The following ZFHX3 variants were observed in gnomAD, a reference collection of about 807,000 sequenced individuals.
ZFHX3 encodes the protein zinc finger homeobox 3, also known as zinc finger homeobox protein 3.
In ZFHX3, 42 loss-of-function variants were observed where a neutral mutation model predicts 279.1. That is an observed-to-expected ratio of 0.15 (90% CI 0.12 to 0.19). ZFHX3 has a LOEUF of 0.19. Ranked by LOEUF, ZFHX3 falls within the 10% of genes least tolerant of loss-of-function variation. The pLI is 1.00. For missense variants in ZFHX3, 4,981 were observed against 4,754.0 expected (o/e 1.05, Z -1.40); for synonymous variants, 2,293 against 1,957.8 (o/e 1.17, Z -4.52).
At chr16:73,533,171 G>C (rs367595656) in intron 2 of ZFHX3, among the ~76,000 whole-genome samples, 1 of 151,620 alleles carries the variant, frequency 6.6e-6, no homozygotes, top group Non-Finnish European at 1.5e-5. Context: ...ACATTTTCTC[G>C]TTTCATCTCA....
At chr16:72,846,458 T>C (rs887044067) in intron 4 of ZFHX3, among the ~76,000 whole-genome samples, 3 of 20,962 alleles carry the variant, frequency 1.4e-4, no homozygotes, top group Non-Finnish European at 2.5e-4. Flanking sequence ...TAGGCCTTGC[T>C]ACCCACTGCA....
At chr16:73,221,351 T>C (rs1438458825) in intron 5 of ZFHX3, among the ~76,000 whole-genome samples, 1 of 152,180 alleles carries the variant, frequency 6.6e-6, no homozygotes, top group African/African-American at 2.4e-5. Context: ...TCTTCAAATA[T>C]AAAGATATAT....
intron 5 of ZFHX3, among the ~76,000 whole-genome samples, chr16:73,242,159 G>C (rs966520416): frequency 2.6e-5 from 4 of 152,270 alleles, no homozygotes; most frequent in African/African-American, 9.6e-5. Context: ...CCTGCTCTGG[G>C]TCAACTTCCT....
intron 4 of ZFHX3, among the ~76,000 whole-genome samples, chr16:73,288,574 A>G (rs191687584): frequency 3.3e-5 from 5 of 151,896 alleles, no homozygotes; most frequent in African/African-American, 1.2e-4. Context: ...CAACTTAGCA[A>G]CTCCCCACGC....
chr16:73,087,831 T>TC (rs1415603748), intron 8 of ZFHX3, among the ~76,000 whole-genome samples: 78 of 137,822 alleles, frequency 5.7e-4, no homozygotes, highest in Middle Eastern at 8.1e-3. Context: ...TTTCTCTCTC[T>TC]TTTTTTTTTT....
intron 8 of ZFHX3, among the ~76,000 whole-genome samples, chr16:73,083,021 TAAAAAAAAAA>T (rs71156139): frequency 1.7e-4 from 23 of 132,002 alleles, no homozygotes; most frequent in Admixed American, 1.5e-4. Context: ...CCATCTCTAC[TAAAAAAAAAA>T]AAAAAAAAAA....
intron 3 of ZFHX3, among the ~76,000 whole-genome samples, chr16:73,341,209 C>T (rs965904156): frequency 2.6e-5 from 4 of 152,018 alleles, no homozygotes; most frequent in Non-Finnish European, 5.9e-5. Flanking sequence ...GGTGTGATGG[C>T]AGGCACCTGT....
At chr16:73,415,824 A>G (rs2143474217) in intron 3 of ZFHX3, among the ~76,000 whole-genome samples, 1 of 152,312 alleles carries the variant, frequency 6.6e-6, no homozygotes, top group East Asian at 1.9e-4. Context: ...TGGCATTTTC[A>G]GAAGAGAAAA....
chr16:73,591,710 A>AG (rs1365471984), intron 2 of ZFHX3, among the ~76,000 whole-genome samples: 1 of 149,578 alleles, frequency 6.7e-6, no homozygotes, highest in Non-Finnish European at 1.5e-5. Context: ...AAAAAAAAAA[A>AG]AAAAAAAAGA....
At chr16:72,952,711 T>C (rs1281364974) in intron 2 of ZFHX3, among the ~76,000 whole-genome samples, 1 of 152,204 alleles carries the variant, frequency 6.6e-6, no homozygotes, top group East Asian at 1.9e-4. Context: ...CCCTGGTCTT[T>C]TTCAGTCCAT....
chr16:72,851,679 C>T (rs1418823896), intron 4 of ZFHX3, among the ~76,000 whole-genome samples: 2 of 152,098 alleles, frequency 1.3e-5, no homozygotes, highest in South Asian at 4.2e-4. Context: ...CTCAGCCTCC[C>T]GAGTAGCTGG....
chr16:72,803,925 C>T (rs4788659), intron 7 of ZFHX3, among the ~76,000 whole-genome samples: 2,217 of 152,330 alleles, frequency 0.015, 26 homozygotes, highest in South Asian at 0.037. Context: ...GTTTTCCTCC[C>T]AAACCTTCTG....
At chr16:73,498,084 T>G (rs2019171623) in intron 2 of ZFHX3, among the ~76,000 whole-genome samples, 1 of 152,236 alleles carries the variant, frequency 6.6e-6, no homozygotes, top group African/African-American at 2.4e-5. Flanking sequence ...TGGTGCTTCA[T>G]GTAAACATTG....
chr16:73,854,118 C>T (rs780210252), intron 1 of ZFHX3, among the ~76,000 whole-genome samples: 1 of 152,202 alleles, frequency 6.6e-6, no homozygotes, highest in Non-Finnish European at 1.5e-5. Flanking sequence ...TTTCCTTTAT[C>T]TCCATTGACA....
chr16:72,875,164 CTCCCATAGAGAAT>C (rs2038277044), intron 4 of ZFHX3, among the ~76,000 whole-genome samples: 1 of 152,224 alleles, frequency 6.6e-6, no homozygotes, highest in Non-Finnish European at 1.5e-5. Context: ...GCTCAGGGAA[CTCCCATAGAGAAT>C]TCCCATAGGG....
intron 2 of ZFHX3, among the ~76,000 whole-genome samples, chr16:73,595,626 A>G (rs1459987147): frequency 1.3e-5 from 2 of 152,228 alleles, no homozygotes; most frequent in Non-Finnish European, 2.9e-5. Flanking sequence ...TACCATAGAT[A>G]TACTGATGGC....
chr16:73,335,480 T>A (rs758131746), intron 3 of ZFHX3, among the ~76,000 whole-genome samples: 1 of 152,180 alleles, frequency 6.6e-6, no homozygotes, highest in Non-Finnish European at 1.5e-5. Context: ...TCTCCTTTGA[T>A]ATATTTAAGG....
chr16:72,993,227 C>G (rs545440724), intron 1 of ZFHX3, among the ~76,000 whole-genome samples: 1 of 152,208 alleles, frequency 6.6e-6, no homozygotes, highest in Non-Finnish European at 1.5e-5. Flanking sequence ...GCTGCCTGCT[C>G]CTATCACCCA....
chr16:73,466,698 T>C (rs764442913), intron 2 of ZFHX3, among the ~76,000 whole-genome samples: 12 of 152,212 alleles, frequency 7.9e-5, no homozygotes, highest in African/African-American at 1.2e-4. Context: ...TTCTCTGTTC[T>C]CAACCCATGG....
Sources: allele counts gnomAD v4.1 joint callset (sites outside exome capture counted in the v4.1 genomes callset), GRCh38; gene constraint gnomAD v4.1.1; transcripts MANE v1.5; gene names NCBI Gene and HGNC (gene_info 2026-07-23, HGNC 2026-07-21).